GLI3: variants seen among roughly 807,000 people sequenced by gnomAD.
The protein encoded by GLI3 is transcription activator GLI3.
GLI3 carries 20 observed loss-of-function variants against 100.8 expected under a neutral mutation model. The ratio of observed to expected loss-of-function variants is 0.20; its 90% confidence interval spans 0.14 to 0.29. The LOEUF (loss-of-function observed/expected upper bound fraction) is 0.29, where lower values mean the gene tolerates loss of function less well. Ranked by LOEUF, GLI3 falls within the 10% of genes least tolerant of loss-of-function variation. The pLI, the probability that GLI3 is intolerant of heterozygous loss-of-function variation, is 1.00. For synonymous variants in GLI3, 938 were observed against 860.5 expected (o/e 1.09, Z -1.58); for missense variants, 2,040 against 2,128.5 (o/e 0.96, Z 0.82).
chr7:42,233,074 T>G (rs1366738157), intron 1 of GLI3, among the ~76,000 whole-genome samples: 1 of 152,218 alleles, frequency 6.6e-6, no homozygotes, highest in Non-Finnish European at 1.5e-5. Flanking sequence ...CGATCAAATG[T>G]ACTTCCAAAC....
At chr7:42,177,623 G>C (rs1211219138) in intron 2 of GLI3, among the ~76,000 whole-genome samples, 2 of 152,168 alleles carry the variant, frequency 1.3e-5, no homozygotes, top group Admixed American at 6.5e-5. Flanking sequence ...TCCTAAATAT[G>C]ATGGAAGGAA....
At chr7:41,989,211 A>T (rs575403209) in intron 10 of GLI3, among the ~76,000 whole-genome samples, 3 of 152,336 alleles carry the variant, frequency 2.0e-5, no homozygotes, top group African/African-American at 7.2e-5. Flanking sequence ...AGATACTTTT[A>T]AAAAAGACTA....
chr7:42,230,083 T>A (rs1788665089), intron 1 of GLI3, among the ~76,000 whole-genome samples: 1 of 65,862 alleles, frequency 1.5e-5, no homozygotes, highest in African/African-American at 6.3e-5. Flanking sequence ...GTTGCCTTTT[T>A]CTGCAAGGGT....
chr7:41,993,012 C>A (rs1788032749), intron 10 of GLI3, among the ~76,000 whole-genome samples: 1 of 152,190 alleles, frequency 6.6e-6, no homozygotes, highest in Admixed American at 6.5e-5. Context: ...TTCTCCCATG[C>A]TGCCTGCAAA....
chr7:42,001,744 TATA>T (rs931990262), intron 10 of GLI3, among the ~76,000 whole-genome samples: 54 of 152,110 alleles, frequency 3.6e-4, no homozygotes, highest in African/African-American at 1.2e-3. Context: ...AAAATAAACA[TATA>T]AAATAATAAG....
At chr7:42,001,236 C>CAAAA (rs10700047) in intron 10 of GLI3, among the ~76,000 whole-genome samples, 1 of 85,688 alleles carries the variant, frequency 1.2e-5, no homozygotes, top group Non-Finnish European at 2.3e-5. Flanking sequence ...GACTATGTCT[C>CAAAA]AAAAAAAAAA....
Position 41,965,542 on chromosome 7 carries a change from G to C in GLI3, c.3531C>G (p.Leu1177=). Residue 1177 remains leucine, a synonymous_variant, in exon 15 of 15, where the codon CTC becomes CTG. Coordinates refer to ENST00000395925, the MANE Select transcript of GLI3 (RefSeq NM_000168.6). ...GCACAGCGGGCCGCGGCCCACACTT[G>C]AGCTTGGAGGAGGACAGGTCGGCGC... ...SGSADLSSSK[L]KCGPRPAVPQ... The C allele has an allele frequency of 1.9e-6, 3 of 1,605,394 alleles. No homozygotes were observed. Among genetic ancestry groups the C allele is most frequent in the Non-Finnish European group, 2.6e-6 (3 of 1,173,150 alleles).
chr7:42,035,919 T>G (rs1464498255), intron 7 of GLI3, among the ~76,000 whole-genome samples: 1 of 152,204 alleles, frequency 6.6e-6, no homozygotes, highest in Non-Finnish European at 1.5e-5. Flanking sequence ...TCTTGAAACA[T>G]GCAATATTTT....
At chr7:42,231,925 A>C (rs1419946359) in intron 1 of GLI3, among the ~76,000 whole-genome samples, 1 of 152,172 alleles carries the variant, frequency 6.6e-6, no homozygotes, top group Non-Finnish European at 1.5e-5. Flanking sequence ...AAAGTAGCAA[A>C]AGTTAAAAAT....
chr7:42,008,822 G>C (rs773409044), intron 10 of GLI3, among the ~76,000 whole-genome samples: 1 of 152,176 alleles, frequency 6.6e-6, no homozygotes, highest in Non-Finnish European at 1.5e-5. Context: ...TCTTGTAATA[G>C]TGAACTTATA....
intron 2 of GLI3, among the ~76,000 whole-genome samples, chr7:42,154,926 T>C (rs930437119): frequency 4.6e-5 from 7 of 152,100 alleles, no homozygotes; most frequent in South Asian, 2.1e-4. Context: ...CAATGACGGA[T>C]GACAGAGGGA....
chr7:42,026,418 C>T lies in GLI3; in HGVS notation c.1029-6G>A, dbSNP rs748670269. On this transcript the variant is annotated splice_region_variant and splice_polypyrimidine_tract_variant and intron_variant, in intron 7 of 14. Coordinates refer to ENST00000395925, the MANE Select transcript of GLI3 (RefSeq NM_000168.6). ...AGGTGAAGCTCAAGGCAGGGCTGCA[C>T]GGGGGAGATAAAAAAAGACGATCAT... The T allele has an allele frequency of 1.1e-5, 17 of 1,611,338 alleles. No homozygotes were observed. Among genetic ancestry groups the T allele is most frequent in the Middle Eastern group, 1.7e-4 (1 of 6,044 alleles).
intron 2 of GLI3, among the ~76,000 whole-genome samples, chr7:42,160,180 A>G (rs1787099076): frequency 6.6e-6 from 1 of 152,220 alleles, no homozygotes; most frequent in Admixed American, 6.5e-5. Context: ...TGTGGCATTT[A>G]TGAAAGCTAG....
At chr7:42,000,972 A>C (rs1162092195) in intron 10 of GLI3, among the ~76,000 whole-genome samples, 1 of 152,044 alleles carries the variant, frequency 6.6e-6, no homozygotes, top group Non-Finnish European at 1.5e-5. Context: ...GAGGGCCGGG[A>C]GCGGTGGCTC....
chr7:42,224,744 G>A (rs75264004), intron 1 of GLI3, among the ~76,000 whole-genome samples: 3,432 of 152,320 alleles, frequency 0.023, 66 homozygotes, highest in Non-Finnish European at 0.037. Flanking sequence ...CCTTCCGAGT[G>A]CAGCCACCGT....
intron 4 of GLI3, among the ~76,000 whole-genome samples, chr7:42,066,114 C>G (rs1474518144): frequency 6.6e-6 from 1 of 152,070 alleles, no homozygotes; most frequent in Non-Finnish European, 1.5e-5. Flanking sequence ...GTTGTCAGAG[C>G]AAGGCCAGGG....
chr7:42,148,359 C>T lies in GLI3; in HGVS notation c.234G>A (p.Ser78=), dbSNP rs758571262. ...TGATCAATGAGGCCCTCTCGTCACTCGATGTTGAAGGTTCCTCACTGACTT... is the reference window on the plus strand; with the variant it reads ...TGATCAATGAGGCCCTCTCGTCACTTGATGTTGAAGGTTCCTCACTGACTT... ...LSKVSEEPST[S]SDERASLIKK... The change falls in exon 3 of 15, where the codon TCG becomes TCA. Residue 78 remains serine, a synonymous_variant. Transcript: ENST00000395925. 12 of 1,613,974 alleles carry T rather than the reference C, an allele frequency of 7.4e-6. No homozygotes were observed. The highest frequency in any genetic ancestry group is 1.0e-5 in the Non-Finnish European group (12 of 1,180,020).
intron 2 of GLI3, among the ~76,000 whole-genome samples, chr7:42,168,058 C>T (rs552572799): frequency 1.6e-4 from 25 of 152,180 alleles, no homozygotes; most frequent in African/African-American, 5.8e-4. Flanking sequence ...AATTCAAAAG[C>T]CTTCCATTTA....
At chr7:42,169,899 TATAAGAAGTAATATTCA>T (rs1414535154) in intron 2 of GLI3, among the ~76,000 whole-genome samples, 1 of 151,990 alleles carries the variant, frequency 6.6e-6, no homozygotes, top group African/African-American at 2.4e-5. Context: ...TCAATTGAAA[TATAAGAAGTAATATTCA>T]ATTACTTCTT....
Sources: gnomAD v4.1 joint callset for allele counts (sites outside exome capture counted in the v4.1 genomes callset) on GRCh38, gnomAD v4.1.1 for gene constraint, MANE v1.5 for transcripts, NCBI Gene and HGNC (gene_info 2026-07-23, HGNC 2026-07-21) for gene names.